UTY: variants seen among roughly 807,000 people sequenced by gnomAD.
The protein encoded by UTY is ubiquitously transcribed tetratricopeptide repeat containing, Y-linked.
In UTY, 12 loss-of-function variants were observed where a neutral mutation model predicts 32.5. The observed-to-expected ratio is 0.37, with a 90% CI of 0.24 to 0.60. The LOEUF is 0.60. UTY is among the 20% of genes least tolerant of loss of function. The probability of loss-of-function intolerance (pLI) is 0.69; values close to 1 mark genes in which losing one functional copy is unlikely to be tolerated. For synonymous variants in UTY, 131 were observed against 103.4 expected (o/e 1.27, Z -1.62); for missense variants, 303 against 299.2 (o/e 1.01, Z -0.09).
intron 4 of UTY, among the ~76,000 whole-genome samples, chrY:13,429,369 A>T (rs764599389): frequency 3.0e-5 from 1 of 32,905 alleles, no homozygotes; most frequent in Admixed American, 2.8e-4. Flanking sequence ...AAGGATTTTT[A>T]AAATAAAGGG....
At chrY:13,439,521 A>G in intron 4 of UTY, among the ~76,000 whole-genome samples, 1 of 33,190 alleles carries the variant, frequency 3.0e-5, no homozygotes, top group East Asian at 7.8e-4. Flanking sequence ...GAAGCTGCAC[A>G]CTGCGCACCA....
intron 27 of UTY, among the ~76,000 whole-genome samples, chrY:13,268,913 G>A (rs1603277900): frequency 6.0e-5 from 2 of 33,465 alleles, no homozygotes; most frequent in Non-Finnish European, 1.5e-4. Context: ...GTCCCAGAGC[G>A]GCACTCATCA....
chrY:13,467,024 G>A, intron 3 of UTY, among the ~76,000 whole-genome samples: 1 of 33,604 alleles, frequency 3.0e-5, no homozygotes, highest in Non-Finnish European at 7.4e-5. Context: ...TCCTGCCCCA[G>A]CCTATAGAGT....
chrY:13,274,558 T>A, intron 27 of UTY, among the ~76,000 whole-genome samples: 1 of 32,013 alleles, frequency 3.1e-5, no homozygotes. Context: ...GGTGGGCAGA[T>A]CACCTGAGGT....
At chrY:13,435,607 TCAATTAA>T (rs2074466585) in intron 4 of UTY, among the ~76,000 whole-genome samples, 1 of 34,207 alleles carries the variant, frequency 2.9e-5, no homozygotes. Flanking sequence ...CTCAGGTGCC[TCAATTAA>T]AGTTGTTTTT....
chrY:13,416,951 T>G, intron 4 of UTY, among the ~76,000 whole-genome samples: 1 of 33,880 alleles, frequency 3.0e-5, no homozygotes, highest in Admixed American at 2.7e-4. Context: ...TGGTAATCCA[T>G]GCCTTTCTGT....
At chrY:13,347,647 G>A (rs2062029438) in intron 17 of UTY, among the ~76,000 whole-genome samples, 1 of 32,279 alleles carries the variant, frequency 3.1e-5, no homozygotes, top group African/African-American at 1.2e-4. Context: ...GCAAGAACCC[G>A]GGAGGCGGAG....
chrY:13,380,362 A>G, intron 8 of UTY, among the ~76,000 whole-genome samples: 1 of 29,722 alleles, frequency 3.4e-5, no homozygotes, highest in African/African-American at 1.3e-4. Flanking sequence ...AATATAATAG[A>G]AAAGAAGAAT....
intron 8 of UTY, among the ~76,000 whole-genome samples, chrY:13,382,181 C>A: frequency 3.0e-5 from 1 of 32,832 alleles, no homozygotes; most frequent in Non-Finnish European, 7.5e-5. Context: ...ACATAACAAT[C>A]CTTAACATTT....
chrY:13,323,482 G>C, intron 21 of UTY, 73 bp downstream of exon 21: 1 of 252,318 alleles, frequency 4.0e-6, no homozygotes, highest in African/African-American at 7.3e-5. Context: ...GTATGCACTA[G>C]ACAATAATTA....
chrY:13,409,468 A>G, intron 6 of UTY, among the ~76,000 whole-genome samples: 1 of 33,961 alleles, frequency 2.9e-5, no homozygotes, highest in African/African-American at 1.1e-4. Context: ...AACAGTCTAC[A>G]TAATTGTAAA....
intron 25 of UTY, 54 bp from the exon 26 acceptor site, chrY:13,299,198 G>C (rs1006346205): frequency 4.9e-6 from 1 of 203,523 alleles, no homozygotes; most frequent in Non-Finnish European, 7.4e-6. Context: ...TTCTGAAAAA[G>C]AAAATAATGA....
At chrY:13,275,111 G>A (rs2056596641) in intron 27 of UTY, among the ~76,000 whole-genome samples, 1 of 33,543 alleles carries the variant, frequency 3.0e-5, no homozygotes, top group African/African-American at 1.2e-4. Context: ...GCAGGTGAAT[G>A]TTCTATCAGC....
chrY:13,455,650 G>A (rs2076748063), intron 3 of UTY, among the ~76,000 whole-genome samples: 1 of 33,507 alleles, frequency 3.0e-5, no homozygotes, highest in African/African-American at 1.2e-4. Flanking sequence ...CCCACAGCCT[G>A]TGACCATCTA....
At chrY:13,290,845 G>A (rs2057719403) in intron 27 of UTY, among the ~76,000 whole-genome samples, 1 of 32,662 alleles carries the variant, frequency 3.1e-5, no homozygotes, top group Non-Finnish European at 7.5e-5. Context: ...GATTACAGAC[G>A]TGAGCCACCG....
intron 27 of UTY, 140 bp downstream of exon 27, chrY:13,297,567 T>C: frequency 2.9e-6 from 1 of 342,633 alleles, no homozygotes; most frequent in East Asian, 1.1e-4. Context: ...ATATATAAGA[T>C]TATTTACATC....
intron 27 of UTY, among the ~76,000 whole-genome samples, chrY:13,273,888 A>C: frequency 6.4e-5 from 2 of 31,019 alleles, no homozygotes; most frequent in African/African-American, 2.5e-4. Context: ...ACATAAAAAT[A>C]TATTTATATA....
chrY:13,312,847 G>C, intron 21 of UTY, among the ~76,000 whole-genome samples: 2 of 32,933 alleles, frequency 6.1e-5, no homozygotes, highest in African/African-American at 2.4e-4. Context: ...ACATTAGTCA[G>C]AATGACTACT....
At chrY:13,477,322 C>G (rs2079159644) in intron 2 of UTY, among the ~76,000 whole-genome samples, 1 of 33,026 alleles carries the variant, frequency 3.0e-5, no homozygotes, top group African/African-American at 1.2e-4. Context: ...AGGCATCCCC[C>G]ATCTCTTGCA....
Sources: gnomAD v4.1 joint callset for allele counts (sites outside exome capture counted in the v4.1 genomes callset) on GRCh38, gnomAD v4.1.1 for gene constraint, MANE v1.5 for transcripts, NCBI Gene and HGNC (gene_info 2026-07-23, HGNC 2026-07-21) for gene names.